NCALD: variants seen among roughly 807,000 people sequenced by gnomAD.
NCALD encodes neurocalcin-delta.
A neutral mutation model predicts 18.6 loss-of-function variants in NCALD; 10 were observed. The observed-to-expected ratio is 0.54, with a 90% confidence interval of 0.33 to 0.91. NCALD has a LOEUF of 0.91. NCALD is among the 40% of genes least tolerant of loss of function. NCALD has a pLI of 0.03. For synonymous variants in NCALD, 88 were observed against 87.4 expected (o/e 1.01, Z -0.04); for missense variants, 184 against 247.6 (o/e 0.74, Z 1.72).
intron 1 of NCALD, among the ~76,000 whole-genome samples, chr8:102,099,993 A>AAG (rs1339881326): frequency 0.01 from 512 of 50,272 alleles, 4 homozygotes; most frequent in African/African-American, 0.025. Context: ...AAAAAAAAAA[A>AAG]AAGAAGAAGA....
intron 1 of NCALD, among the ~76,000 whole-genome samples, chr8:101,783,792 CCAGCAA>C (rs143591509): frequency 6.6e-6 from 1 of 152,302 alleles, no homozygotes; most frequent in African/African-American, 2.4e-5. Flanking sequence ...TTTCCTAGAA[CCAGCAA>C]CAGCATTAAC....
chr8:101,829,041 A>G (rs895330232), intron 4 of NCALD, among the ~76,000 whole-genome samples: 1 of 152,078 alleles, frequency 6.6e-6, no homozygotes, highest in Non-Finnish European at 1.5e-5. Context: ...AGGGCATTTA[A>G]TCTAGTCTGA....
chr8:101,775,633 C>T (rs550338255), intron 1 of NCALD, among the ~76,000 whole-genome samples: 1 of 152,240 alleles, frequency 6.6e-6, no homozygotes, highest in South Asian at 2.1e-4. Context: ...ACCAAGAGCC[C>T]TGGGGGATCA....
intron 1 of NCALD, among the ~76,000 whole-genome samples, chr8:101,737,034 G>A (rs996311787): frequency 2.0e-5 from 3 of 152,080 alleles, no homozygotes; most frequent in Non-Finnish European, 4.4e-5. Context: ...TGAGAAAGAG[G>A]AATAAACTAA....
chr8:101,701,894 T>A (rs1815285603), intron 2 of NCALD, among the ~76,000 whole-genome samples: 1 of 152,188 alleles, frequency 6.6e-6, no homozygotes. Flanking sequence ...AGGAGAAGAA[T>A]GAAAATATTT....
intron 4 of NCALD, among the ~76,000 whole-genome samples, chr8:101,851,985 C>G (rs1026836362): frequency 6.6e-6 from 1 of 152,130 alleles, no homozygotes; most frequent in Non-Finnish European, 1.5e-5. Context: ...CTTGCCCCTT[C>G]TACCATATGA....
chr8:102,015,834 A>C (rs1256639019), intron 2 of NCALD, among the ~76,000 whole-genome samples: 3 of 152,156 alleles, frequency 2.0e-5, no homozygotes, highest in Non-Finnish European at 4.4e-5. Context: ...CTAAAGGGCA[A>C]GTGTGGGCTA....
At chr8:101,839,029 T>C (rs1814530783) in intron 4 of NCALD, among the ~76,000 whole-genome samples, 1 of 152,234 alleles carries the variant, frequency 6.6e-6, no homozygotes, top group African/African-American at 2.4e-5. Flanking sequence ...AATACCATAG[T>C]AACAATAAGA....
chr8:102,016,837 A>G (rs1822099131), intron 2 of NCALD, among the ~76,000 whole-genome samples: 1 of 152,200 alleles, frequency 6.6e-6, no homozygotes, highest in African/African-American at 2.4e-5. Context: ...ACAAAAACAA[A>G]AAAACCCTCA....
intron 1 of NCALD, among the ~76,000 whole-genome samples, chr8:102,052,588 T>G (rs1389276901): frequency 1.3e-5 from 2 of 152,258 alleles, no homozygotes; most frequent in Non-Finnish European, 2.9e-5. Flanking sequence ...CCTTAAAGAC[T>G]TCCATCTCTT....
intron 1 of NCALD, among the ~76,000 whole-genome samples, chr8:101,742,217 A>C (rs1810228332): frequency 1.4e-5 from 2 of 145,338 alleles, no homozygotes; most frequent in Admixed American, 7.0e-5. Context: ...TGGGAGTGAG[A>C]CTCTGTCTCA....
chr8:101,764,220 G>C (rs1343096963), intron 1 of NCALD, among the ~76,000 whole-genome samples: 1 of 152,142 alleles, frequency 6.6e-6, no homozygotes, highest in Non-Finnish European at 1.5e-5. Context: ...GAGGGAATCA[G>C]TATTGATAGG....
intron 4 of NCALD, among the ~76,000 whole-genome samples, chr8:101,818,307 T>C (rs1472629731): frequency 6.6e-6 from 1 of 152,152 alleles, no homozygotes. Flanking sequence ...TGTTTTGCAA[T>C]TGGCACTGCA....
In NCALD at chr8:102,008,368, G is replaced by A. The variant is rs148794146; in HGVS notation, c.-157+11869C>T. Among the ~76,000 whole-genome samples, 814 of 151,612 alleles carry A rather than the reference G, an allele frequency of 5.4e-3. 12 individuals carry two copies. Among genetic ancestry groups the A allele is most frequent in the African/African-American group, 0.018 (762 of 41,328 alleles). On this transcript the variant is annotated intron_variant, in intron 2 of 6. Coordinates refer to the NCALD transcript ENST00000311028. ...AGGTTCTAGTTCTAGGTCTGCCACT[G>A]GTAAGAACTGATTTTTTTAAAAGGC...
At chr8:102,109,006 T>C (rs1355250780) in intron 1 of NCALD, among the ~76,000 whole-genome samples, 1 of 152,202 alleles carries the variant, frequency 6.6e-6, no homozygotes, top group Non-Finnish European at 1.5e-5. Context: ...GTGGCCCTCC[T>C]ACCTCACAGC....
upstream of NCALD, among the ~76,000 whole-genome samples, chr8:101,794,515 T>C (rs1349107847): frequency 6.6e-6 from 1 of 152,234 alleles, no homozygotes; most frequent in Non-Finnish European, 1.5e-5. Context: ...TTAACCCTAC[T>C]CATACATAAA....
intron 3 of NCALD, among the ~76,000 whole-genome samples, chr8:101,897,693 T>C (rs1219086012): frequency 1.3e-5 from 2 of 152,192 alleles, no homozygotes; most frequent in African/African-American, 4.8e-5. Context: ...CAGGAGAGTG[T>C]TTCTGGGTCA....
At chr8:101,930,874 C>A (rs1451887602) in intron 2 of NCALD, among the ~76,000 whole-genome samples, 2 of 152,158 alleles carry the variant, frequency 1.3e-5, no homozygotes, top group African/African-American at 4.8e-5. Context: ...TGGGTCATTA[C>A]CTTGACCTTT....
intron 1 of NCALD, among the ~76,000 whole-genome samples, chr8:102,109,048 A>C (rs1825564143): frequency 1.3e-5 from 2 of 152,194 alleles, no homozygotes; most frequent in South Asian, 4.1e-4. Context: ...TGAAATCGTT[A>C]GCAGAAGCAC....
Sources: allele counts gnomAD v4.1 joint callset (sites outside exome capture counted in the v4.1 genomes callset), GRCh38; gene constraint gnomAD v4.1.1; transcripts MANE v1.5; gene names NCBI Gene and HGNC (gene_info 2026-07-23, HGNC 2026-07-21).